Variants in PPFIA2 observed in about 807,000 individuals in gnomAD.
The protein encoded by PPFIA2 is PPFI scaffold protein A2.
In PPFIA2, 46 loss-of-function variants were observed where a neutral mutation model predicts 175.5. The observed-to-expected ratio is 0.26, with a 90% confidence interval of 0.21 to 0.34. The LOEUF (loss-of-function observed/expected upper bound fraction) is 0.34. Ranked by LOEUF, PPFIA2 falls within the 10% of genes least tolerant of loss-of-function variation. PPFIA2 has a pLI of 1.00. For synonymous variants in PPFIA2, 568 were observed against 511.4 expected, an observed-to-expected ratio of 1.11 and a Z score of -1.49; for missense variants, 1,179 against 1,506.1, an observed-to-expected ratio of 0.78 and a Z score of 3.60.
chr12:81,437,033 A>T (rs2049185626), intron 7 of PPFIA2, among the ~76,000 whole-genome samples: 1 of 152,226 alleles, frequency 6.6e-6, no homozygotes, highest in South Asian at 2.1e-4. Flanking sequence ...GAGTGCTAAA[A>T]AGTAAAAATT....
chr12:81,709,223 C>T (rs1019543914), intron 3 of PPFIA2, among the ~76,000 whole-genome samples: 5 of 152,064 alleles, frequency 3.3e-5, no homozygotes, highest in African/African-American at 9.7e-5. Context: ...CTCCTTGCTC[C>T]TCTCATAAAT....
intron 4 of PPFIA2, among the ~76,000 whole-genome samples, chr12:81,558,247 G>T (rs1292709015): frequency 6.6e-6 from 1 of 152,034 alleles, no homozygotes; most frequent in East Asian, 1.9e-4. Context: ...CAACTAAGTT[G>T]AAATATATAG....
intron 22 of PPFIA2, chr12:81,312,131 T>A (rs1186836534): frequency 1.3e-6 from 2 of 1,532,202 alleles, no homozygotes; most frequent in East Asian, 4.9e-5. Context: ...AAAATAAACA[T>A]GTTCAGCAGC....
At chr12:81,292,812 A>G (rs2045404822) in intron 24 of PPFIA2, 1 of 152,078 alleles carries the variant, frequency 6.6e-6, no homozygotes, top group African/African-American at 2.4e-5. Context: ...TTTTAGCTTG[A>G]GTCATAATCC....
At chr12:81,261,672 A>T (rs753297348) in intron 32 of PPFIA2, among the ~76,000 whole-genome samples, 26 of 152,214 alleles carry the variant, frequency 1.7e-4, no homozygotes, top group Non-Finnish European at 3.1e-4. Flanking sequence ...GGTACTAAAA[A>T]GTAGAAAACA....
At chr12:81,582,991 C>A (rs1266914282) in intron 4 of PPFIA2, among the ~76,000 whole-genome samples, 1 of 151,796 alleles carries the variant, frequency 6.6e-6, no homozygotes, top group Non-Finnish European at 1.5e-5. Flanking sequence ...AAGAATAACC[C>A]ATATTCAGTC....
At chr12:81,742,918 A>G (rs2082507094) in intron 3 of PPFIA2, among the ~76,000 whole-genome samples, 1 of 152,200 alleles carries the variant, frequency 6.6e-6, no homozygotes, top group Non-Finnish European at 1.5e-5. Context: ...TAAAGTAAGC[A>G]TGAATAAAGA....
At chr12:81,422,940 G>T (rs932975562) in intron 7 of PPFIA2, among the ~76,000 whole-genome samples, 5 of 152,038 alleles carry the variant, frequency 3.3e-5, no homozygotes, top group South Asian at 4.1e-4. Context: ...TGAAAGAGGA[G>T]ACATTACAAC....
chr12:81,350,515 G>A (rs1000375519), intron 17 of PPFIA2: 5 of 152,138 alleles, frequency 3.3e-5, no homozygotes, highest in African/African-American at 1.2e-4. Flanking sequence ...GAAGGGTGTG[G>A]AATGACAGGA....
intron 7 of PPFIA2, among the ~76,000 whole-genome samples, chr12:81,429,021 A>T (rs771957021): frequency 6.6e-6 from 1 of 152,072 alleles, no homozygotes; most frequent in East Asian, 1.9e-4. Flanking sequence ...CAAACAAAAA[A>T]TCTCTTTTAT....
intron 23 of PPFIA2, among the ~76,000 whole-genome samples, chr12:81,295,994 G>A (rs1020994203): frequency 1.3e-5 from 2 of 149,828 alleles, no homozygotes; most frequent in African/African-American, 2.5e-5. Context: ...GCCTCAAAAC[G>A]AAACAAAAGA....
Position 81,552,254 on chromosome 12 carries a change from G to A in PPFIA2, c.304-94388C>T, listed in dbSNP as rs145480837. Among the ~76,000 whole-genome samples, 1,450 of 151,860 alleles carry A rather than the reference G, an allele frequency of 9.5e-3. 16 individuals carry two copies. The highest frequency in any genetic ancestry group is 0.015 in the Non-Finnish European group (989 of 67,788). ...AGAATCAACACTATTAAATATGTAA[G>A]CATAGAACTCTATGCAGGAGGAGAA... is the stretch of plus-strand genomic sequence containing the variant. On this transcript the variant is annotated intron_variant, in intron 4 of 32. Coordinates refer to ENST00000549396, the MANE Select transcript of PPFIA2 (RefSeq NM_003625.5).
At chr12:81,633,087 T>C (rs2063579837) in intron 4 of PPFIA2, among the ~76,000 whole-genome samples, 1 of 152,124 alleles carries the variant, frequency 6.6e-6, no homozygotes, top group South Asian at 2.1e-4. Context: ...AACTTGATCA[T>C]AATCACGTCT....
intron 26 of PPFIA2, among the ~76,000 whole-genome samples, chr12:81,282,114 A>G (rs1462349750): frequency 6.6e-6 from 1 of 152,024 alleles, no homozygotes; most frequent in Non-Finnish European, 1.5e-5. Flanking sequence ...CAAACAAACT[A>G]TTCTTACCAA....
chr12:81,553,687 C>T (rs1416642512), intron 4 of PPFIA2, among the ~76,000 whole-genome samples: 1 of 152,034 alleles, frequency 6.6e-6, no homozygotes, highest in East Asian at 1.9e-4. Context: ...TGCTTGACAC[C>T]AGCCCATCAA....
At chr12:81,744,423 T>C (rs931639321) in intron 3 of PPFIA2, among the ~76,000 whole-genome samples, 1 of 148,802 alleles carries the variant, frequency 6.7e-6, no homozygotes, top group Non-Finnish European at 1.5e-5. Context: ...ATGCTTTCTT[T>C]TTTTTTTTTT....
At chr12:81,646,297 T>C (rs534651242) in intron 4 of PPFIA2, among the ~76,000 whole-genome samples, 38 of 152,224 alleles carry the variant, frequency 2.5e-4, no homozygotes, top group Non-Finnish European at 5.1e-4. Context: ...GTCAGCTGTC[T>C]TGAAGGAGGG....
intron 4 of PPFIA2, among the ~76,000 whole-genome samples, chr12:81,620,485 G>C (rs1052032114): frequency 1.3e-5 from 2 of 151,992 alleles, no homozygotes; most frequent in African/African-American, 4.8e-5. Context: ...GAACCATAAA[G>C]ATATAAACAA....
intron 4 of PPFIA2, among the ~76,000 whole-genome samples, chr12:81,672,276 C>G (rs930109739): frequency 6.6e-6 from 1 of 151,918 alleles, no homozygotes; most frequent in African/African-American, 2.4e-5. Flanking sequence ...AGAACATTGT[C>G]ACTTTTGAAT....
Sources: gnomAD v4.1 joint callset for allele counts (sites outside exome capture counted in the v4.1 genomes callset) on GRCh38, gnomAD v4.1.1 for gene constraint, MANE v1.5 for transcripts, NCBI Gene and HGNC (gene_info 2026-07-23, HGNC 2026-07-21) for gene names.